Variants in KLF12 observed in about 807,000 individuals in gnomAD.
The protein encoded by KLF12 is Krueppel-like factor 12.
A neutral mutation model predicts 37.8 loss-of-function variants in KLF12; 9 were observed. The ratio of observed to expected loss-of-function variants is 0.24; its 90% CI spans 0.14 to 0.42. The LOEUF (loss-of-function observed/expected upper bound fraction) is 0.42. KLF12 is among the 10% of genes least tolerant of loss of function. The pLI is 1.00. For missense variants in KLF12, 411 were observed against 516.0 expected, an observed-to-expected ratio of 0.80 and a Z score of 1.97; for synonymous variants, 208 against 202.1, an observed-to-expected ratio of 1.03 and a Z score of -0.25.
intron 5 of KLF12, among the ~76,000 whole-genome samples, chr13:73,776,560 C>G (rs1354118649): frequency 6.6e-6 from 1 of 152,192 alleles, no homozygotes; most frequent in Non-Finnish European, 1.5e-5. Context: ...TCAAAATGCA[C>G]CGGGACTCTC....
In KLF12 at chr13:73,691,237, C is replaced by T. The variant is rs1873805064; in HGVS notation, c.*4253G>A. 6.6e-6 allele frequency: 1 copy of T among 152,638 alleles called. No homozygotes were observed. The highest frequency in any genetic ancestry group is 1.5e-5 in the Non-Finnish European group (1 of 68,038). The allele number at this position is 152,638 out of a possible 1,614,324, so 9.5% of individuals were successfully genotyped here. ...CTGTCTGTACAGGTTAAGTGGAAGG[C>T]AGTGTGGGGATGAGTAGAAATGTCA... On this transcript the variant is annotated 3_prime_UTR_variant, in exon 8 of 8. Transcript: ENST00000377669.
At position 73,689,969 on chromosome 13, in the gene KLF12, A is replaced by G. The variant is rs1873726301; in HGVS notation, c.*5521T>C. The G allele has an allele frequency of 6.6e-6, 1 of 152,220 alleles. No homozygotes were observed. Among genetic ancestry groups the G allele is most frequent in the African/African-American group, 2.4e-5 (1 of 41,462 alleles). The allele number at this position is 152,220 out of a possible 1,614,324, so 9.4% of individuals were successfully genotyped here. A position where few individuals can be genotyped will look rare whatever the true frequency, so the allele number is the denominator to read the frequency against. ...ATAGTGTTCACTGAAGATAAACTTA[A>G]TGTTCAGATTTGTGTTCTTAACGTT... On this transcript the variant is annotated 3_prime_UTR_variant, in exon 8 of 8. Transcript: ENST00000377669.
the KLF12 span, among the ~76,000 whole-genome samples, chr13:74,269,745 C>T: frequency 2.0e-5 from 3 of 152,162 alleles, no homozygotes; most frequent in Non-Finnish European, 4.4e-5. Flanking sequence ...TCCTTACTTT[C>T]ACCTTAGAAG....
chr13:73,871,963 C>T (rs755531365), intron 3 of KLF12, among the ~76,000 whole-genome samples: 6 of 152,140 alleles, frequency 3.9e-5, no homozygotes, highest in Non-Finnish European at 7.3e-5. Flanking sequence ...GTCCACTTGC[C>T]TGAAAAGACT....
At position 73,764,971 on chromosome 13, in the gene KLF12, C is replaced by T. The variant is rs775367228; in HGVS notation, c.836G>A (p.Arg279Gln). 2.4e-5 allele frequency: 38 copies of T among 1,573,110 alleles called. No individual in the cohort carries two copies. Among genetic ancestry groups the T allele is most frequent in the Non-Finnish European group, 3.3e-5 (38 of 1,143,356 alleles). The change falls in exon 6 of 8, where the codon CGG (arginine) becomes CAG (glutamine). Residue 279 changes from arginine (R) to glutamine (Q), a missense_variant. Around this residue, in one of 2 missense-constraint regions of KLF12, gnomAD observed 351 missense variants for 397.8 expected, o/e 0.88. Transcript: ENST00000377669. ...CTTTTGATTATTCATTCGATTGCCC[C>T]GGACCCTTGATACTGGGGACGGATG... is the stretch of plus-strand genomic sequence containing the variant.
the KLF12 span, among the ~76,000 whole-genome samples, chr13:74,179,150 C>A: frequency 6.6e-6 from 1 of 152,176 alleles, no homozygotes; most frequent in Admixed American, 6.5e-5. Flanking sequence ...CAGGCTCCTC[C>A]TGCCAAAGGG....
the KLF12 span, among the ~76,000 whole-genome samples, chr13:74,251,602 A>T: frequency 6.6e-6 from 1 of 152,090 alleles, no homozygotes; most frequent in African/African-American, 2.4e-5. Flanking sequence ...CTCCAGTATT[A>T]ACATTCTCCC....
intron 6 of KLF12, among the ~76,000 whole-genome samples, chr13:73,734,634 A>G (rs540893141): frequency 6.6e-6 from 1 of 152,054 alleles, no homozygotes; most frequent in African/African-American, 2.4e-5. Context: ...GGTGGGGGAA[A>G]CATGATTTTG....
intron 1 of KLF12, among the ~76,000 whole-genome samples, chr13:74,008,609 G>A (rs768568817): frequency 6.6e-6 from 1 of 152,208 alleles, no homozygotes; most frequent in Non-Finnish European, 1.5e-5. Context: ...ATTAACTACT[G>A]TATGTGCCAA....
intron 3 of KLF12, among the ~76,000 whole-genome samples, chr13:73,858,653 A>T (rs998936201): frequency 2.0e-5 from 3 of 152,198 alleles, no homozygotes; most frequent in Non-Finnish European, 4.4e-5. Flanking sequence ...GATAAATCTG[A>T]GGATGCTACA....
At chr13:73,960,327 A>C (rs2139457954) in intron 2 of KLF12, 1 of 272,096 alleles carries the variant, frequency 3.7e-6, no homozygotes, top group Admixed American at 3.5e-5. Context: ...AATGATAAAC[A>C]CTCAAAATTG....
At chr13:73,931,658 T>C (rs1159278252) in intron 3 of KLF12, among the ~76,000 whole-genome samples, 3 of 152,154 alleles carry the variant, frequency 2.0e-5, no homozygotes, top group Non-Finnish European at 4.4e-5. Context: ...TTTTGCAAAA[T>C]TGCTGATGGT....
At chr13:73,908,282 TC>T (rs200536489) in intron 3 of KLF12, among the ~76,000 whole-genome samples, 7,376 of 150,346 alleles carry the variant, frequency 0.049, 428 homozygotes, top group African/African-American at 0.14. Context: ...GTGCCTGTAG[TC>T]CCAAGCTACT....
chr13:73,698,491 G>A, intron 7 of KLF12, among the ~76,000 whole-genome samples: 1 of 151,956 alleles, frequency 6.6e-6, no homozygotes, highest in Non-Finnish European at 1.5e-5. Flanking sequence ...TTTTTATGTT[G>A]GCTATTTAAT....
intron 4 of KLF12, among the ~76,000 whole-genome samples, chr13:73,832,528 CA>C (rs1884217768): frequency 1.3e-5 from 2 of 152,140 alleles, no homozygotes; most frequent in Admixed American, 1.3e-4. Context: ...GACAAAAAAG[CA>C]ATCAAGAAAT....
intron 3 of KLF12, among the ~76,000 whole-genome samples, chr13:73,882,039 G>A (rs965897414): frequency 2.6e-5 from 4 of 152,082 alleles, no homozygotes; most frequent in Admixed American, 6.6e-5. Flanking sequence ...CTTGTAAAAC[G>A]GAATGTTCTA....
the KLF12 span, among the ~76,000 whole-genome samples, chr13:74,239,802 C>T: frequency 6.6e-6 from 1 of 151,722 alleles, no homozygotes; most frequent in Non-Finnish European, 1.5e-5. Flanking sequence ...CTTGGTAGAT[C>T]TTCCTCCATC....
Position 73,943,850 on chromosome 13 carries a change from T to G in KLF12, c.123+131A>C, listed in dbSNP as rs868200308. The G allele has an allele frequency of 1.1e-4, 70 of 620,588 alleles. No individual in the cohort carries two copies. The Middle Eastern group carries it at 1.7e-3, about 15-fold the overall frequency. 38.4% of individuals were successfully genotyped at this position (620,588 alleles called of 1,614,324 possible). A position where few individuals can be genotyped will look rare whatever the true frequency, so the allele number is the denominator to read the frequency against. On this transcript the variant is annotated intron_variant, in intron 3 of 7. Transcript: ENST00000377669. ...ATCAACCACAATCTCAGATTTTTGT[T>G]TGTTTTAACCTGAGAGAGAAAAGCT...
intron 3 of KLF12, among the ~76,000 whole-genome samples, chr13:73,917,090 A>T (rs146855758): frequency 6.6e-6 from 1 of 152,224 alleles, no homozygotes; most frequent in Non-Finnish European, 1.5e-5. Context: ...GACGAGCATC[A>T]CCAAAAATTC....
Sources: gnomAD v4.1 joint callset for allele counts (sites outside exome capture counted in the v4.1 genomes callset) on GRCh38, gnomAD v4.1.1 for gene constraint, gnomAD v4.1.1 regional missense constraint, MANE v1.5 for transcripts, NCBI Gene and HGNC (gene_info 2026-07-23, HGNC 2026-07-21) for gene names.